ZNF536: variants seen among roughly 807,000 people sequenced by gnomAD.
ZNF536 encodes the protein zinc finger protein 536.
ZNF536 carries 13 observed loss-of-function variants against 84.5 expected under a neutral mutation model. The ratio of observed to expected loss-of-function variants is 0.15; its 90% CI spans 0.10 to 0.24. ZNF536 has a LOEUF of 0.24. Among genes scored for constraint, ZNF536 ranks in the 10% least tolerant of loss-of-function variants. The probability of loss-of-function intolerance (pLI) is 1.00; values close to 1 mark genes in which losing one functional copy is unlikely to be tolerated. For missense variants in ZNF536, 1,536 were observed against 1,747.5 expected, an observed-to-expected ratio of 0.88 and a Z score of 2.16; for synonymous variants, 811 against 742.5, an observed-to-expected ratio of 1.09 and a Z score of -1.50.
chr19:30,643,990 G>A (rs2049366420), intron 1 of ZNF536, among the ~76,000 whole-genome samples: 2 of 152,144 alleles, frequency 1.3e-5, no homozygotes, highest in African/African-American at 2.4e-5. Context: ...TTGATTTCAC[G>A]TTTCGATCTC....
chr19:30,262,393 G>A (rs987674352), intron 1 of ZNF536, among the ~76,000 whole-genome samples: 11 of 152,202 alleles, frequency 7.2e-5, no homozygotes, highest in African/African-American at 9.7e-5. Context: ...GCTGATGCAC[G>A]GGTCAAAGCA....
intron 1 of ZNF536, among the ~76,000 whole-genome samples, chr19:30,373,667 T>G (rs1414796304): frequency 2.0e-5 from 3 of 152,200 alleles, no homozygotes; most frequent in Non-Finnish European, 4.4e-5. Flanking sequence ...CACACCTGGG[T>G]CTGACAAAGA....
At chr19:30,514,365 G>A (rs757671559) in intron 2 of ZNF536, among the ~76,000 whole-genome samples, 10 of 151,948 alleles carry the variant, frequency 6.6e-5, no homozygotes, top group Non-Finnish European at 8.8e-5. Context: ...GCTGGGTTTC[G>A]CATGCTCTCT....
At chr19:30,298,099 C>T (rs781109185) in intron 2 of ZNF536, among the ~76,000 whole-genome samples, 1 of 152,096 alleles carries the variant, frequency 6.6e-6, no homozygotes, top group Non-Finnish European at 1.5e-5. Context: ...AGGCTGGTCT[C>T]GAACTCCTGG....
At chr19:30,513,026 A>G (rs2055480604) in intron 2 of ZNF536, among the ~76,000 whole-genome samples, 2 of 150,892 alleles carry the variant, frequency 1.3e-5, no homozygotes, top group African/African-American at 5.0e-5. Flanking sequence ...ATGTCATCAT[A>G]TTTTATTTTT....
At chr19:30,523,656 A>C (rs1363624676) in intron 2 of ZNF536, among the ~76,000 whole-genome samples, 3 of 152,104 alleles carry the variant, frequency 2.0e-5, no homozygotes, top group Non-Finnish European at 4.4e-5. Flanking sequence ...CAGTTTCAGC[A>C]GAGATTTGTG....
intron 1 of ZNF536, among the ~76,000 whole-genome samples, chr19:30,631,044 C>T (rs887566115): frequency 3.3e-5 from 5 of 152,188 alleles, no homozygotes; most frequent in African/African-American, 1.2e-4. Context: ...CCCCTGGCAT[C>T]AGAGGCTCCA....
At chr19:30,446,477 AC>A (rs1366233858) in intron 2 of ZNF536, among the ~76,000 whole-genome samples, 5 of 152,014 alleles carry the variant, frequency 3.3e-5, no homozygotes, top group African/African-American at 1.2e-4. Context: ...TCCAAACTTC[AC>A]CATCTTTCTC....
At chr19:30,301,028 C>T (rs1053624611) in intron 2 of ZNF536, among the ~76,000 whole-genome samples, 2 of 152,180 alleles carry the variant, frequency 1.3e-5, no homozygotes, top group Admixed American at 1.3e-4. Context: ...CCATAAAATG[C>T]TGGATCATCA....
intron 2 of ZNF536, among the ~76,000 whole-genome samples, chr19:30,529,798 T>C (rs1232050221): frequency 6.6e-6 from 1 of 152,218 alleles, no homozygotes; most frequent in Non-Finnish European, 1.5e-5. Flanking sequence ...GATGCCTACT[T>C]CAACACATTT....
intron 3 of ZNF536, among the ~76,000 whole-genome samples, chr19:30,357,055 A>T (rs1475279487): frequency 6.6e-6 from 1 of 152,224 alleles, no homozygotes; most frequent in Non-Finnish European, 1.5e-5. Flanking sequence ...GACTGATAAT[A>T]TGGGCGTTGA....
intron 1 of ZNF536, among the ~76,000 whole-genome samples, chr19:30,652,979 C>T (rs2049766260): frequency 6.6e-6 from 1 of 152,154 alleles, no homozygotes; most frequent in Non-Finnish European, 1.5e-5. Context: ...TCTCGATGCC[C>T]CGTCAGAATC....
intron 2 of ZNF536, among the ~76,000 whole-genome samples, chr19:30,488,722 G>A (rs762551398): frequency 9.2e-5 from 14 of 152,132 alleles, no homozygotes; most frequent in Non-Finnish European, 1.6e-4. Flanking sequence ...AATCTGTGCC[G>A]AAGAGAGTTC....
chr19:30,438,915 C>T (rs941017812), intron 1 of ZNF536, among the ~76,000 whole-genome samples: 2 of 152,084 alleles, frequency 1.3e-5, no homozygotes, highest in African/African-American at 2.4e-5. Flanking sequence ...TCCTGGGGCT[C>T]AGCCTCCCAA....
chr19:30,689,335 C>A (rs1372287413), intron 1 of ZNF536, among the ~76,000 whole-genome samples: 2 of 152,226 alleles, frequency 1.3e-5, no homozygotes, highest in Admixed American at 1.3e-4. Flanking sequence ...GTGTACAATA[C>A]CTGATCACAG....
chr19:30,308,519 G>C (rs1173047084), intron 2 of ZNF536, among the ~76,000 whole-genome samples: 2 of 152,126 alleles, frequency 1.3e-5, no homozygotes, highest in African/African-American at 4.8e-5. Context: ...TGAGTTGGGC[G>C]CCATCTTGGT....
intron 1 of ZNF536, among the ~76,000 whole-genome samples, chr19:30,252,236 C>T (rs762137767): frequency 1.2e-4 from 19 of 152,212 alleles, no homozygotes; most frequent in Non-Finnish European, 2.1e-4. Flanking sequence ...AAATCAAAAC[C>T]GCAATGCAAT....
intron 1 of ZNF536, among the ~76,000 whole-genome samples, chr19:30,706,409 C>T (rs1035529771): frequency 2.0e-5 from 3 of 151,530 alleles, no homozygotes; most frequent in African/African-American, 7.3e-5. Context: ...AAGGTGTGAA[C>T]CCGGGAGGCA....
chr19:30,664,439 G>A (rs1222868165), intron 1 of ZNF536, among the ~76,000 whole-genome samples: 1 of 152,142 alleles, frequency 6.6e-6, no homozygotes, highest in Non-Finnish European at 1.5e-5. Context: ...AGGGCGGGGT[G>A]GATGGAGCCT....
Sources: allele counts gnomAD v4.1 joint callset (sites outside exome capture counted in the v4.1 genomes callset), GRCh38; gene constraint gnomAD v4.1.1; transcripts MANE v1.5; gene names NCBI Gene and HGNC (gene_info 2026-07-23, HGNC 2026-07-21).